Variants in GPR39 observed in about 807,000 individuals in gnomAD.
GPR39 encodes the protein zinc sensing receptor.
In GPR39, 23 loss-of-function variants were observed where a neutral mutation model predicts 18.4. That is an observed-to-expected ratio of 1.25 (90% CI 0.90 to 1.77). The LOEUF is 1.77. GPR39 is among the 40% of genes most tolerant of loss of function. The pLI, the probability that GPR39 is intolerant of heterozygous loss-of-function variation, is 0.00. For missense variants in GPR39, 647 were observed against 602.4 expected (o/e 1.07, Z -0.78); for synonymous variants, 280 against 257.9 (o/e 1.09, Z -0.82).
intron 1 of GPR39, among the ~76,000 whole-genome samples, chr2:132,627,868 A>G (rs1031720561): frequency 2.6e-5 from 4 of 151,988 alleles, no homozygotes; most frequent in Non-Finnish European, 5.9e-5. Context: ...CCCTTTCCTC[A>G]TTTACAGCTT....
chr2:132,459,485 C>A (rs1280060167), intron 1 of GPR39, among the ~76,000 whole-genome samples: 2 of 152,194 alleles, frequency 1.3e-5, no homozygotes, highest in Admixed American at 1.3e-4. Context: ...TCATTGTGCT[C>A]AGATTCCACA....
At chr2:132,464,538 A>T (rs141095762) in intron 1 of GPR39, among the ~76,000 whole-genome samples, 1 of 152,328 alleles carries the variant, frequency 6.6e-6, no homozygotes, top group African/African-American at 2.4e-5. Flanking sequence ...AGCCCACATT[A>T]AAAACCTTCA....
At chr2:132,429,421 A>G (rs538467982) in intron 1 of GPR39, among the ~76,000 whole-genome samples, 6 of 152,280 alleles carry the variant, frequency 3.9e-5, no homozygotes, top group South Asian at 2.1e-4. Flanking sequence ...GCTGCTTTTT[A>G]TCTCTGGGAA....
At chr2:132,542,037 T>G (rs1677821675) in intron 1 of GPR39, among the ~76,000 whole-genome samples, 1 of 152,104 alleles carries the variant, frequency 6.6e-6, no homozygotes, top group Admixed American at 6.6e-5. Flanking sequence ...AGGGCACTAA[T>G]CCCATTCATG....
intron 1 of GPR39, among the ~76,000 whole-genome samples, chr2:132,419,404 T>C (rs984308733): frequency 6.8e-6 from 1 of 146,882 alleles, no homozygotes; most frequent in Non-Finnish European, 1.5e-5. Flanking sequence ...GCATGTCTGT[T>C]TGTGACTTTC....
chr2:132,468,596 G>A (rs1680972986), intron 1 of GPR39, among the ~76,000 whole-genome samples: 2 of 152,206 alleles, frequency 1.3e-5, no homozygotes, highest in South Asian at 4.1e-4. Context: ...GAGACTGAGA[G>A]GTTGGGCCCT....
chr2:132,449,229 G>GTTTGTT (rs1558801546), intron 1 of GPR39, among the ~76,000 whole-genome samples: 72 of 151,982 alleles, frequency 4.7e-4, no homozygotes, highest in African/African-American at 1.4e-3. Context: ...CCTTTCCTTC[G>GTTTGTT]TGTTTTTTTG....
intron 1 of GPR39, among the ~76,000 whole-genome samples, chr2:132,582,843 C>T (rs1411146532): frequency 6.6e-6 from 1 of 151,772 alleles, no homozygotes; most frequent in Non-Finnish European, 1.5e-5. Context: ...GACTTGTGAC[C>T]TTCACTTAGT....
At chr2:132,475,625 T>C (rs1181265932) in intron 1 of GPR39, among the ~76,000 whole-genome samples, 1 of 152,058 alleles carries the variant, frequency 6.6e-6, no homozygotes, top group Admixed American at 6.6e-5. Flanking sequence ...AGGGCTCTGA[T>C]TGTGACATAC....
At chr2:132,575,955 C>T (rs11891678) in intron 1 of GPR39, among the ~76,000 whole-genome samples, 16,528 of 152,006 alleles carry the variant, frequency 0.11, 2,886 homozygotes, top group African/African-American at 0.37. Flanking sequence ...GTGAGGAAAC[C>T]GCCAGAAGAC....
At chr2:132,570,043 G>A (rs554283680) in intron 1 of GPR39, among the ~76,000 whole-genome samples, 2 of 152,284 alleles carry the variant, frequency 1.3e-5, no homozygotes, top group East Asian at 3.9e-4. Context: ...CTTGTGCCTG[G>A]AAGCAGAACT....
At position 132,645,677 on chromosome 2, in the gene GPR39, G is replaced by T; in HGVS notation, c.*71G>T. On this transcript the variant is annotated 3_prime_UTR_variant, in exon 2 of 2. Coordinates refer to ENST00000329321, the MANE Select transcript of GPR39 (RefSeq NM_001508.3). ...AAGAAAACGTCACTCTCACTCTGCA[G>T]TCTCAAACTATGCCCCCATCAGGGA... The T allele has an allele frequency of 6.5e-7, 1 of 1,534,790 alleles. No individual in the cohort carries two copies.
intron 1 of GPR39, among the ~76,000 whole-genome samples, chr2:132,492,701 TA>T (rs1383720666): frequency 7.2e-6 from 1 of 138,508 alleles, no homozygotes; most frequent in Non-Finnish European, 1.5e-5. Context: ...CATATATATA[TA>T]ATATATATAC....
chr2:132,565,396 C>CTT (rs67095358), intron 1 of GPR39, among the ~76,000 whole-genome samples: 3,412 of 137,974 alleles, frequency 0.025, 138 homozygotes, highest in African/African-American at 0.085. Flanking sequence ...GATGAGTTTC[C>CTT]TTTTTTTTTT....
rs565855647 is a variant in GPR39 at position 132,471,338 on chromosome 2, T to TAGACCTGTTCTACTGGCATGAGTGCCTAA, written c.856+53443_856+53471dup. On this transcript the variant is annotated intron_variant, in intron 1 of 1. Transcript: ENST00000329321. ...GATAAAGCTCTAGTCCATGAGGATATAGACCTGTTCTACTGGCATGAGTGC... is the reference window on the plus strand; with the variant it reads ...GATAAAGCTCTAGTCCATGAGGATATAGACCTGTTCTACTGGCATGAGTGCCTAAAGACCTGTTCTACTGGCATGAGTGC... 1.1e-3 allele frequency among the ~76,000 whole-genome samples: 171 copies of TAGACCTGTTCTACTGGCATGAGTGCCTAA among 152,286 alleles called. 1 individual carries two copies. Among genetic ancestry groups the TAGACCTGTTCTACTGGCATGAGTGCCTAA allele is most frequent in the South Asian group, 6.4e-3 (31 of 4,822 alleles).
chr2:132,451,353 C>T (rs1053065102), intron 1 of GPR39, among the ~76,000 whole-genome samples: 4 of 152,140 alleles, frequency 2.6e-5, no homozygotes, highest in Non-Finnish European at 5.9e-5. Context: ...TTGTTTATAA[C>T]GTGTCTTTCC....
intron 1 of GPR39, among the ~76,000 whole-genome samples, chr2:132,476,276 T>C (rs1303842986): frequency 6.6e-6 from 1 of 152,094 alleles, no homozygotes. Flanking sequence ...GGTTCCAAAG[T>C]TTCTGGTTCG....
At chr2:132,616,835 A>T (rs1166912941) in intron 1 of GPR39, among the ~76,000 whole-genome samples, 1 of 152,240 alleles carries the variant, frequency 6.6e-6, no homozygotes, top group Non-Finnish European at 1.5e-5. Context: ...GAATCAAATC[A>T]TAAGGAATTA....
chr2:132,572,438 C>G (rs1680457103), intron 1 of GPR39, among the ~76,000 whole-genome samples: 1 of 151,896 alleles, frequency 6.6e-6, no homozygotes, highest in African/African-American at 2.4e-5. Context: ...ATCCCCAGTC[C>G]CAACTATCCA....
Sources: allele counts gnomAD v4.1 joint callset (sites outside exome capture counted in the v4.1 genomes callset), GRCh38; gene constraint gnomAD v4.1.1; transcripts MANE v1.5; gene names NCBI Gene and HGNC (gene_info 2026-07-23, HGNC 2026-07-21).